KIAA0232: variants seen among roughly 807,000 people sequenced by gnomAD.
KIAA0232 encodes the protein uncharacterized protein KIAA0232.
Under a neutral mutation model 122.0 loss-of-function variants are expected in KIAA0232, and 27 were observed. The observed-to-expected ratio is 0.22, with a 90% CI of 0.16 to 0.31. The LOEUF (loss-of-function observed/expected upper bound fraction) is 0.31. KIAA0232 is among the 10% of genes least tolerant of loss of function. KIAA0232 has a pLI of 1.00. For missense variants in KIAA0232, 1,551 were observed against 1,634.2 expected (o/e 0.95, Z 0.88); for synonymous variants, 613 against 587.6 (o/e 1.04, Z -0.63).
intron 7 of KIAA0232, 81 bp downstream of exon 7, chr4:6,864,264 A>G: frequency 7.0e-7 from 1 of 1,419,104 alleles, no homozygotes; most frequent in Non-Finnish European, 9.5e-7. Context: ...TCAATGAAAG[A>G]TAGGGTTAAA....
At chr4:6,791,165 C>G (rs1716877015) in intron 1 of KIAA0232, among the ~76,000 whole-genome samples, 1 of 151,486 alleles carries the variant, frequency 6.6e-6, no homozygotes, top group South Asian at 2.1e-4. Flanking sequence ...GGCAGTCCGC[C>G]CGCCTTGGCC....
chr4:6,793,168 C>CTAATTACCATTAGTTAATTAAG (rs535157723), intron 1 of KIAA0232, among the ~76,000 whole-genome samples: 2 of 152,146 alleles, frequency 1.3e-5, no homozygotes, highest in Non-Finnish European at 2.9e-5. Context: ...AACTAATTAA[C>CTAATTACCATTAGTTAATTAAG]TAATTACCAT....
chr4:6,806,649 G>C (rs1256778096), intron 2 of KIAA0232, among the ~76,000 whole-genome samples: 1 of 149,076 alleles, frequency 6.7e-6, no homozygotes, highest in Non-Finnish European at 1.5e-5. Context: ...CAGGAGAATG[G>C]CATGAACCTG....
intron 4 of KIAA0232, among the ~76,000 whole-genome samples, chr4:6,843,927 CTTTTTTT>C (rs373793407): frequency 2.2e-5 from 1 of 46,316 alleles, no homozygotes; most frequent in African/African-American, 6.8e-5. Context: ...AGTTACCCAT[CTTTTTTT>C]TTTTTTTTTT....
intron 8 of KIAA0232, among the ~76,000 whole-genome samples, chr4:6,875,937 T>C (rs905918894): frequency 2.0e-5 from 3 of 152,188 alleles, no homozygotes; most frequent in Non-Finnish European, 2.9e-5. Flanking sequence ...GCCCAGCCCC[T>C]GCCCAGGACA....
chr4:6,815,671 AGCCTTT>A (rs1718087354), intron 2 of KIAA0232, among the ~76,000 whole-genome samples: 1 of 152,238 alleles, frequency 6.6e-6, no homozygotes, highest in Non-Finnish European at 1.5e-5. Context: ...GCTACTTGTC[AGCCTTT>A]ACTTTCTTTT....
At chr4:6,830,522 C>G (rs1036272499) in intron 3 of KIAA0232, among the ~76,000 whole-genome samples, 1 of 149,874 alleles carries the variant, frequency 6.7e-6, no homozygotes, top group Non-Finnish European at 1.5e-5. Flanking sequence ...ATTCTCCTGC[C>G]TTAGGCTCCT....
chr4:6,782,804 C>G lies in KIAA0232; in HGVS notation c.-391C>G, dbSNP rs1001338020. 6.7e-6 allele frequency: 1 copy of G among 148,504 alleles called. No homozygotes were observed. Among genetic ancestry groups the G allele is most frequent in the Non-Finnish European group, 1.5e-5 (1 of 66,588 alleles). The allele number at this position is 148,504 out of a possible 1,614,324, so 9.2% of individuals were successfully genotyped here. On this transcript the variant is annotated 5_prime_UTR_variant, in exon 1 of 10. Transcript: ENST00000307659. ...GCCCCTCGGAGCCAGAGGAGAGGCG[C>G]CCCCGCCGGCCGCCGCGCCGCCCGG...
At chr4:6,850,490 T>A (rs373663696) in intron 4 of KIAA0232, among the ~76,000 whole-genome samples, 3 of 152,172 alleles carry the variant, frequency 2.0e-5, no homozygotes, top group Admixed American at 6.5e-5. Flanking sequence ...TTTTGTAACT[T>A]CTTTTAGTTA....
intron 1 of KIAA0232, among the ~76,000 whole-genome samples, chr4:6,793,052 G>T (rs957316070): frequency 7.9e-5 from 12 of 152,050 alleles, no homozygotes; most frequent in African/African-American, 2.9e-4. Context: ...AAATTATGTA[G>T]CCAGTCCTAT....
intron 2 of KIAA0232, among the ~76,000 whole-genome samples, chr4:6,811,865 T>C (rs968418521): frequency 6.6e-6 from 1 of 151,922 alleles, no homozygotes; most frequent in African/African-American, 2.4e-5. Context: ...CAGTTTGTTA[T>C]TGACCCCTTA....
intron 4 of KIAA0232, among the ~76,000 whole-genome samples, chr4:6,856,260 G>T (rs141802936): frequency 1.1e-3 from 164 of 152,258 alleles, no homozygotes; most frequent in African/African-American, 3.8e-3. Context: ...TCCATCACGC[G>T]CATCTGTTTG....
chr4:6,851,607 G>A (rs1720288625), intron 4 of KIAA0232, among the ~76,000 whole-genome samples: 1 of 151,702 alleles, frequency 6.6e-6, no homozygotes, highest in Admixed American at 6.6e-5. Context: ...CAGCTACTTG[G>A]GAGGCTGAGA....
At chr4:6,841,321 A>G (rs894774196) in intron 3 of KIAA0232, among the ~76,000 whole-genome samples, 1 of 152,206 alleles carries the variant, frequency 6.6e-6, no homozygotes, top group Non-Finnish European at 1.5e-5. Flanking sequence ...CTTTATCTCA[A>G]AATCTATTTG....
chr4:6,851,819 T>G (rs1440781763), intron 4 of KIAA0232, among the ~76,000 whole-genome samples: 1 of 151,704 alleles, frequency 6.6e-6, no homozygotes, highest in Non-Finnish European at 1.5e-5. Flanking sequence ...CAAGTTGAAG[T>G]ATTTTCCTCT....
Position 6,842,229 on chromosome 4 carries a change from A to T in KIAA0232, c.369+25A>T, listed in dbSNP as rs761482475. ...AGTAAGTTTACATTTTGTTTCTAAC[A>T]CTTAAGAGAATAAAAGAAGGGGTGA... On this transcript the variant is annotated intron_variant, in intron 4 of 9. Coordinates refer to ENST00000307659, the MANE Select transcript of KIAA0232 (RefSeq NM_014743.3). The T allele has an allele frequency of 1.9e-6, 3 of 1,566,196 alleles. 1 individual carries two copies. Among genetic ancestry groups the T allele is most frequent in the Non-Finnish European group, 2.6e-6 (3 of 1,164,740 alleles).
chr4:6,804,730 G>C (rs546157687), intron 2 of KIAA0232, 124 bp downstream of exon 2: 1 of 152,318 alleles, frequency 6.6e-6, no homozygotes, highest in East Asian at 1.9e-4. Context: ...TAAAGGAAAG[G>C]AGATGAATAT....
intron 1 of KIAA0232, among the ~76,000 whole-genome samples, chr4:6,794,562 G>C (rs188920039): frequency 1.3e-3 from 191 of 152,286 alleles, no homozygotes; most frequent in Non-Finnish European, 2.0e-3. Context: ...GCAAAAGATG[G>C]GGTGTTGCAT....
intron 4 of KIAA0232, 117 bp downstream of exon 4, chr4:6,842,321 C>A: frequency 9.9e-7 from 1 of 1,007,158 alleles, no homozygotes; most frequent in Non-Finnish European, 1.5e-6. Context: ...ATTTATTTTA[C>A]CAAGTAACAT....
Sources: allele counts gnomAD v4.1 joint callset (sites outside exome capture counted in the v4.1 genomes callset), GRCh38; gene constraint gnomAD v4.1.1; transcripts MANE v1.5; gene names NCBI Gene and HGNC (gene_info 2026-07-23, HGNC 2026-07-21).